The following KLRD1 variants were observed in gnomAD, a reference collection of about 807,000 sequenced individuals.
The protein encoded by KLRD1 is natural killer cells antigen CD94.
KLRD1 carries 21 observed loss-of-function variants against 22.6 expected under a neutral mutation model. That is an observed-to-expected ratio of 0.93 (90% CI 0.66 to 1.34). The LOEUF is 1.34. Among genes scored for constraint, KLRD1 ranks in the 40% most tolerant of loss-of-function variants. The pLI is 0.00. For synonymous variants in KLRD1, 59 were observed against 71.1 expected, an observed-to-expected ratio of 0.83 and a Z score of 0.85; for missense variants, 183 against 208.6, an observed-to-expected ratio of 0.88 and a Z score of 0.76.
intron 1 of KLRD1, among the ~76,000 whole-genome samples, chr12:10,261,716 T>A (rs1288146655): frequency 1.3e-5 from 2 of 152,174 alleles, no homozygotes; most frequent in East Asian, 1.9e-4. Flanking sequence ...TAAATCATAG[T>A]TTAAGCTTCT....
Position 10,328,828 on chromosome 12 carries a change from G to A in KLRD1, c.*14035G>A, listed in dbSNP as rs1186573448. The A allele has an allele frequency of 2.6e-5, 4 of 152,216 alleles. No homozygotes were observed. 9.4% of individuals were successfully genotyped at this position (152,216 alleles called of 1,614,324 possible). ...AATGGACTCACAGTTCCACGTGGCT[G>A]GGGAGGCCTCACTATCATGGCAGAA... is the stretch of plus-strand genomic sequence containing the variant. On this transcript the variant is annotated 3_prime_UTR_variant, in exon 6 of 6. Transcript: ENST00000336164.
intron 1 of KLRD1, among the ~76,000 whole-genome samples, chr12:10,249,564 C>T (rs1299598801): frequency 6.6e-6 from 1 of 152,124 alleles, no homozygotes; most frequent in African/African-American, 2.4e-5. Context: ...GTGCCCTTAT[C>T]ATATATCAAA....
chr12:10,289,980 G>T (rs1949751437), intron 1 of KLRD1, among the ~76,000 whole-genome samples: 1 of 152,126 alleles, frequency 6.6e-6, no homozygotes, highest in Non-Finnish European at 1.5e-5. Context: ...GTTTCTCCAT[G>T]CTTGTCAGGC....
In KLRD1 at chr12:10,314,699, C is replaced by G; in HGVS notation, c.446C>G (p.Thr149Arg). 1.3e-6 allele frequency: 2 copies of G among 1,577,616 alleles called. No homozygotes were observed. Among genetic ancestry groups the G allele is most frequent in the Non-Finnish European group, 1.7e-6 (2 of 1,164,080 alleles). Residue 149 changes from threonine (T) to arginine (R), a missense_variant, in exon 6 of 6, where the codon ACA becomes AGA. Transcript: ENST00000336164. ...TTTCCATCATTTGAAACTTTTAATA[C>G]AAAGAACTGCATAGCGTATAATCCA... Reference protein sequence around the residue: ...YLFPSFETFNTKNCIAYNPNG... With the variant: ...YLFPSFETFNRKNCIAYNPNG...
chr12:10,310,397 C>T (rs148966745), intron 3 of KLRD1, among the ~76,000 whole-genome samples: 229 of 152,264 alleles, frequency 1.5e-3, no homozygotes, highest in African/African-American at 5.2e-3. Context: ...GGGATTATGC[C>T]GTACCCAGCA....
upstream of KLRD1, among the ~76,000 whole-genome samples, chr12:10,306,797 G>A (rs1565466943): frequency 1.3e-5 from 2 of 152,172 alleles, no homozygotes. Context: ...GGCACACAAT[G>A]CAAACTGAAA....
chr12:10,253,474 CAT>C (rs1380641746), intron 1 of KLRD1, among the ~76,000 whole-genome samples: 5 of 152,126 alleles, frequency 3.3e-5, no homozygotes, highest in Admixed American at 6.5e-5. Flanking sequence ...CATGGGTAAA[CAT>C]GTGTCATGGG....
At position 10,311,570 on chromosome 12, in the gene KLRD1, T is replaced by C. The variant is rs572027632; in HGVS notation, c.270T>C (p.Ala90=). The C allele has an allele frequency of 1.9e-6, 3 of 1,614,150 alleles. No homozygotes were observed. The highest frequency in any genetic ancestry group is 2.2e-5 in the East Asian group (1 of 44,878). ...GGAACGAAAGTCGGCATCTCTGTGC[T>C]TCTCAGAAATCCAGCCTGCTTCAGC... ...KTWNESRHLC[A]SQKSSLLQLQ... Residue 90 remains alanine (A), a synonymous_variant, in exon 4 of 6, where the codon GCT becomes GCC. Transcript: ENST00000336164.
chr12:10,297,627 A>C (rs1215038418), intron 1 of KLRD1, among the ~76,000 whole-genome samples: 1 of 152,068 alleles, frequency 6.6e-6, no homozygotes, highest in Non-Finnish European at 1.5e-5. Context: ...TGTTTTACTA[A>C]ATTGGGGTTT....
chr12:10,296,224 C>G (rs1349803023), intron 1 of KLRD1, among the ~76,000 whole-genome samples: 1 of 152,050 alleles, frequency 6.6e-6, no homozygotes, highest in Non-Finnish European at 1.5e-5. Flanking sequence ...TCTCTAATAA[C>G]ATACAAAGGA....
rs1221486322 is a variant in KLRD1 at position 10,321,032 on chromosome 12, T to TA, written c.*6241dup. The TA allele has an allele frequency of 6.6e-6, 1 of 152,186 alleles. No homozygotes were observed. The highest frequency in any genetic ancestry group is 2.4e-5 in the African/African-American group (1 of 41,454). 9.4% of individuals were successfully genotyped at this position (152,186 alleles called of 1,614,324 possible). On this transcript the variant is annotated 3_prime_UTR_variant, in exon 6 of 6. Transcript: ENST00000336164. The stretch of plus-strand genomic sequence containing the variant: ...GCTACCTTTTATTCAAAAGTAAGAA[T>TA]AATTCAAAGGACAGAACTAAGAGCC...
chr12:10,305,300 C>G (rs1463689580), upstream of KLRD1, among the ~76,000 whole-genome samples: 1 of 152,124 alleles, frequency 6.6e-6, no homozygotes, highest in Non-Finnish European at 1.5e-5. Flanking sequence ...CCTAACTTTT[C>G]AAAAGCAAAT....
intron 1 of KLRD1, among the ~76,000 whole-genome samples, chr12:10,276,722 G>T (rs1420648773): frequency 6.6e-6 from 1 of 151,420 alleles, no homozygotes. Flanking sequence ...TAAAATAATG[G>T]TCAATTTCCA....
intron 1 of KLRD1, among the ~76,000 whole-genome samples, chr12:10,244,849 GCT>G (rs1185124716): frequency 2.6e-5 from 4 of 151,956 alleles, no homozygotes; most frequent in Admixed American, 6.6e-5. Context: ...AAGAAATCAT[GCT>G]CTTACTCTTC....
rs1439287905 is a variant in KLRD1 at position 10,316,084 on chromosome 12, C to CT, written c.*1292dup. ...AGTGAGTCGAGATTGCACCACTGCACTCCAGCCTGGGTGACAGAGCCAGAC... is the reference window on the plus strand; with the variant it reads ...AGTGAGTCGAGATTGCACCACTGCACTTCCAGCCTGGGTGACAGAGCCAGAC... On this transcript the variant is annotated 3_prime_UTR_variant, in exon 6 of 6. Coordinates refer to ENST00000336164, the MANE Select transcript of KLRD1 (RefSeq NM_002262.5). 1 of 142,290 alleles carries CT rather than the reference C, an allele frequency of 7.0e-6. No homozygotes were observed. The highest frequency in any genetic ancestry group is 1.5e-5 in the Non-Finnish European group (1 of 66,728). 8.8% of individuals were successfully genotyped at this position (142,290 alleles called of 1,614,324 possible).
At chr12:10,269,625 TTA>T (rs1415012055) in intron 1 of KLRD1, among the ~76,000 whole-genome samples, 1 of 152,184 alleles carries the variant, frequency 6.6e-6, no homozygotes, top group East Asian at 1.9e-4. Flanking sequence ...TCAAAAAAGT[TTA>T]TGTTTATTAC....
chr12:10,287,952 C>T (rs1166660242), intron 1 of KLRD1, among the ~76,000 whole-genome samples: 2 of 151,808 alleles, frequency 1.3e-5, no homozygotes, highest in African/African-American at 4.8e-5. Context: ...CCTGTAGTCC[C>T]AGCTACTCAG....
chr12:10,242,730 A>G (rs1949253084), intron 1 of KLRD1, among the ~76,000 whole-genome samples: 3 of 152,182 alleles, frequency 2.0e-5, no homozygotes, highest in Admixed American at 1.3e-4. Context: ...TTTTGATAAT[A>G]GCCAGTCTGT....
Position 10,287,727 on chromosome 12 carries a change from G to A in KLRD1, c.-100-20251G>A, listed in dbSNP as rs112785847. Among the ~76,000 whole-genome samples, 258 of 152,182 alleles carry A rather than the reference G, an allele frequency of 1.7e-3. 1 individual carries two copies. Among genetic ancestry groups the A allele is most frequent in the African/African-American group, 5.9e-3 (243 of 41,528 alleles). On this transcript the variant is annotated intron_variant, in intron 1 of 5. Coordinates refer to the KLRD1 transcript ENST00000544747. ...CCACCCCTAGGTTATACAAAACTAC[G>A]GGGATAACTTAGTTTAATTATCTGT...
Sources: allele counts gnomAD v4.1 joint callset (sites outside exome capture counted in the v4.1 genomes callset), GRCh38; gene constraint gnomAD v4.1.1; transcripts MANE v1.5; gene names NCBI Gene and HGNC (gene_info 2026-07-23, HGNC 2026-07-21).